Variants in MME observed in about 807,000 individuals in gnomAD.
The protein encoded by MME is membrane metalloendopeptidase.
In MME, 98 loss-of-function variants were observed where a neutral mutation model predicts 113.2. That is an observed-to-expected ratio of 0.87 (90% CI 0.74 to 1.02). MME has a LOEUF of 1.02. Among genes scored for constraint, MME ranks in the 50% least tolerant of loss-of-function variants. The pLI is 0.00. For missense variants in MME, 836 were observed against 896.0 expected (o/e 0.93, Z 0.86); for synonymous variants, 292 against 300.6 (o/e 0.97, Z 0.30).
At chr3:155,171,390 C>T (rs1711953794) in intron 20 of MME, among the ~76,000 whole-genome samples, 1 of 152,050 alleles carries the variant, frequency 6.6e-6, no homozygotes, top group African/African-American at 2.4e-5. Flanking sequence ...TAGTTGGTCA[C>T]ATTCCTTTGT....
At chr3:155,038,695 ACTT>A (rs1265784938) in intron 1 of MME, among the ~76,000 whole-genome samples, 1 of 152,108 alleles carries the variant, frequency 6.6e-6, no homozygotes, top group East Asian at 1.9e-4. Flanking sequence ...CTATGCACAA[ACTT>A]CTTTTTTCTT....
Position 155,160,467 on chromosome 3 carries a change from T to A in MME, c.1660+19T>A. On this transcript the variant is annotated intron_variant, in intron 17 of 22. Coordinates refer to ENST00000360490, the MANE Select transcript of MME (RefSeq NM_007289.4). ...CAGATAGGTAAGGTGTATTCTTAAA[T>A]AATTATTTAATATTTCTCTATCGTT... is the stretch of plus-strand genomic sequence containing the variant. The A allele has an allele frequency of 3.3e-6, 5 of 1,504,126 alleles. No individual in the cohort carries two copies. Among genetic ancestry groups the A allele is most frequent in the Non-Finnish European group, 3.7e-6 (4 of 1,081,088 alleles). 93.2% of individuals were successfully genotyped at this position (1,504,126 alleles called of 1,614,324 possible). A position where few individuals can be genotyped will look rare whatever the true frequency, so the allele number is the denominator to read the frequency against.
rs185455695 is a variant in MME at position 155,064,599 on chromosome 3, A to T, written c.-10-19559A>T. Among the ~76,000 whole-genome samples, 11 of 152,044 alleles carry T rather than the reference A, an allele frequency of 7.2e-5. No individual in the cohort carries two copies. The East Asian group carries it at 1.9e-3, about 27-fold the overall frequency. On this transcript the variant is annotated intron_variant, in intron 1 of 22. Transcript: ENST00000492661. ...TAGGTAACTCAATTATGTTGATGAG[A>T]CTCTTCTGAATACTCTTTCACTCCT...
chr3:155,157,597 GTGAT>G (rs1324973302), intron 16 of MME, among the ~76,000 whole-genome samples: 1 of 152,026 alleles, frequency 6.6e-6, no homozygotes. Context: ...GAGATATTTT[GTGAT>G]TGATCACAAA....
At chr3:155,031,496 A>G (rs1301726730) in intron 1 of MME, among the ~76,000 whole-genome samples, 1 of 152,096 alleles carries the variant, frequency 6.6e-6, no homozygotes, top group Non-Finnish European at 1.5e-5. Context: ...AAGGGAGAAA[A>G]CTTTGAATGT....
rs149642243 is a variant in MME, at chr3:155,177,578, C to T, written c.2154-2782C>T. Reference sequence around the variant, plus strand: ...ATTTGTTTCTCACAGTTCTGGAGACCGGAAGTCTAAGATCAGGGTGCCAGC... The same window carrying T: ...ATTTGTTTCTCACAGTTCTGGAGACTGGAAGTCTAAGATCAGGGTGCCAGC... On this transcript the variant is annotated intron_variant, in intron 22 of 22. Coordinates refer to ENST00000360490, the MANE Select transcript of MME (RefSeq NM_007289.4). Among the ~76,000 whole-genome samples the T allele has an allele frequency of 2.2e-3, 342 of 152,088 alleles. 2 individuals are homozygous for T. Among genetic ancestry groups the T allele is most frequent in the African/African-American group, 7.4e-3 (308 of 41,508 alleles).
At chr3:155,155,189 G>A (rs889603783) in intron 16 of MME, among the ~76,000 whole-genome samples, 3 of 152,138 alleles carry the variant, frequency 2.0e-5, no homozygotes, top group Non-Finnish European at 1.5e-5. Flanking sequence ...TCCAGAGGGG[G>A]AAGGGGAATT....
At chr3:155,164,163 A>C (rs1197227757) in intron 17 of MME, among the ~76,000 whole-genome samples, 3 of 151,660 alleles carry the variant, frequency 2.0e-5, no homozygotes, top group African/African-American at 7.3e-5. Flanking sequence ...AAAAAAAAGA[A>C]TGTTTAATTA....
At chr3:155,050,994 G>A (rs1037883194) in intron 1 of MME, among the ~76,000 whole-genome samples, 3 of 152,244 alleles carry the variant, frequency 2.0e-5, no homozygotes, top group Middle Eastern at 3.4e-3. Context: ...TTGGATGTTT[G>A]AGCTGAGGAT....
intron 3 of MME, among the ~76,000 whole-genome samples, chr3:155,104,144 G>T (rs988204522): frequency 1.3e-5 from 2 of 152,154 alleles, no homozygotes; most frequent in Non-Finnish European, 2.9e-5. Context: ...TGAGGGCAGG[G>T]ATTATGTCTG....
intron 1 of MME, chr3:155,081,350 G>A (rs1715127271): frequency 6.6e-6 from 1 of 152,146 alleles, no homozygotes; most frequent in Non-Finnish European, 1.5e-5. Flanking sequence ...ATGCTCAACT[G>A]GTATAAGAAT....
chr3:155,111,589 T>C (rs1173223384), intron 3 of MME, among the ~76,000 whole-genome samples: 1 of 152,196 alleles, frequency 6.6e-6, no homozygotes, highest in Admixed American at 6.5e-5. Flanking sequence ...GCACTCATGA[T>C]CAGAGAACTG....
intron 22 of MME, among the ~76,000 whole-genome samples, chr3:155,172,958 C>A: frequency 6.6e-6 from 1 of 151,914 alleles, no homozygotes; most frequent in Non-Finnish European, 1.5e-5. Context: ...AGGCCCAGAC[C>A]CAATGAGCTC....
chr3:155,083,454 C>T (rs1313665419), intron 1 of MME: 1 of 152,536 alleles, frequency 6.6e-6, no homozygotes, highest in South Asian at 2.1e-4. Flanking sequence ...TACTTATCCC[C>T]CTTACTCCCC....
chr3:155,082,289 T>C (rs1475945368), intron 1 of MME, among the ~76,000 whole-genome samples: 1 of 152,200 alleles, frequency 6.6e-6, no homozygotes, highest in Non-Finnish European at 1.5e-5. Flanking sequence ...CAGTAAAACA[T>C]TTCTCTACAT....
At chr3:155,056,461 G>GA (rs60616419) in intron 1 of MME, among the ~76,000 whole-genome samples, 10,697 of 145,252 alleles carry the variant, frequency 0.074, 612 homozygotes, top group African/African-American at 0.17. Flanking sequence ...AGTTTACTGA[G>GA]ATGATGATTT....
chr3:155,078,645 GA>G (rs1344416287), upstream of MME, among the ~76,000 whole-genome samples: 1 of 144,912 alleles, frequency 6.9e-6, no homozygotes, highest in Non-Finnish European at 1.5e-5. Flanking sequence ...AGTGGAGTGT[GA>G]ATATGTGTGT....
intron 8 of MME, among the ~76,000 whole-genome samples, chr3:155,124,458 G>T (rs1411753886): frequency 2.0e-5 from 3 of 152,082 alleles, no homozygotes; most frequent in Non-Finnish European, 4.4e-5. Flanking sequence ...TCCGTTGCTG[G>T]TGAGGAACTG....
intron 10 of MME, 117 bp downstream of exon 10, chr3:155,140,409 C>CT (rs1720982718): frequency 2.6e-6 from 1 of 389,274 alleles, no homozygotes; most frequent in Admixed American, 4.3e-5. Context: ...GACTTCAATT[C>CT]CTTTTTTTTT....
Sources: allele counts gnomAD v4.1 joint callset (sites outside exome capture counted in the v4.1 genomes callset), GRCh38; gene constraint gnomAD v4.1.1; transcripts MANE v1.5; gene names NCBI Gene and HGNC (gene_info 2026-07-23, HGNC 2026-07-21).